The following DPP6 variants were observed in gnomAD, a reference collection of about 807,000 sequenced individuals.
The protein encoded by DPP6 is dipeptidyl peptidase like 6.
DPP6 carries 69 observed loss-of-function variants against 122.6 expected under a neutral mutation model. The observed-to-expected ratio is 0.56, with a 90% CI of 0.46 to 0.69. DPP6 has a LOEUF of 0.69. DPP6 is among the 30% of genes least tolerant of loss of function. DPP6 has a pLI of 0.00. For synonymous variants in DPP6, 418 were observed against 433.1 expected, an observed-to-expected ratio of 0.97 and a Z score of 0.43; for missense variants, 928 against 1,116.9, an observed-to-expected ratio of 0.83 and a Z score of 2.41.
At chr7:154,559,109 T>C (rs1830238011) in intron 4 of DPP6, among the ~76,000 whole-genome samples, 1 of 151,228 alleles carries the variant, frequency 6.6e-6, no homozygotes, top group Admixed American at 6.6e-5. Flanking sequence ...GAAAAACACA[T>C]GAAAACTGCT....
At chr7:154,604,954 C>T (rs1408058864) in intron 5 of DPP6, among the ~76,000 whole-genome samples, 4 of 119,480 alleles carry the variant, frequency 3.3e-5, no homozygotes, top group African/African-American at 1.1e-4. Context: ...TTTAGTCTTC[C>T]TCTTAATTTA....
the DPP6 span, among the ~76,000 whole-genome samples, chr7:153,771,674 A>G: frequency 1.3e-5 from 2 of 152,160 alleles, no homozygotes; most frequent in African/African-American, 4.8e-5. Flanking sequence ...GCTGGAAAGA[A>G]AAGAGTCAAC....
At chr7:154,037,350 A>G (rs535307159) in intron 1 of DPP6, among the ~76,000 whole-genome samples, 2 of 152,080 alleles carry the variant, frequency 1.3e-5, no homozygotes, top group African/African-American at 4.8e-5. Flanking sequence ...GACATTTCCC[A>G]GGACCTCATG....
chr7:154,129,327 C>T (rs532659214), intron 1 of DPP6, among the ~76,000 whole-genome samples: 1 of 152,180 alleles, frequency 6.6e-6, no homozygotes, highest in South Asian at 2.1e-4. Flanking sequence ...TTTCTAGTAC[C>T]ATTTTGCTTA....
the DPP6 span, among the ~76,000 whole-genome samples, chr7:153,774,027 A>G: frequency 6.6e-6 from 1 of 152,190 alleles, no homozygotes; most frequent in Non-Finnish European, 1.5e-5. Flanking sequence ...GAACAATTCT[A>G]TGCCCATAAG....
intron 23 of DPP6, 32 bp downstream of exon 23, chr7:154,887,766 A>G (rs750930354): frequency 1.2e-5 from 20 of 1,612,294 alleles, no homozygotes; most frequent in Non-Finnish European, 1.7e-5. Flanking sequence ...GAATGTGATG[A>G]GACCAGTCAG....
At chr7:154,458,177 C>T (rs1325150097) in intron 2 of DPP6, among the ~76,000 whole-genome samples, 1 of 152,114 alleles carries the variant, frequency 6.6e-6, no homozygotes, top group Non-Finnish European at 1.5e-5. Flanking sequence ...ATTGTAGCTC[C>T]CATAATTCCC....
At chr7:154,667,103 T>C (rs1838216221) in intron 6 of DPP6, among the ~76,000 whole-genome samples, 2 of 152,354 alleles carry the variant, frequency 1.3e-5, no homozygotes, top group South Asian at 2.1e-4. Context: ...ACCTTTCATA[T>C]GTTTGATTGA....
At chr7:153,927,672 A>G (rs1233954711) in intron 1 of DPP6, among the ~76,000 whole-genome samples, 1 of 152,214 alleles carries the variant, frequency 6.6e-6, no homozygotes, top group Non-Finnish European at 1.5e-5. Flanking sequence ...GTTAGAAAAT[A>G]TGGAGAAGAT....
At chr7:154,623,632 CGT>C (rs1834861746) in intron 5 of DPP6, among the ~76,000 whole-genome samples, 2 of 147,808 alleles carry the variant, frequency 1.4e-5, no homozygotes, top group African/African-American at 2.5e-5. Context: ...CGCACACATG[CGT>C]GCACACACGC....
intron 1 of DPP6, chr7:154,058,769 A>C (rs1178668590): frequency 1.4e-5 from 2 of 147,408 alleles, no homozygotes; most frequent in African/African-American, 2.5e-5. Flanking sequence ...CCCGGCTCTG[A>C]GGAACCCCAT....
At chr7:154,808,399 A>G (rs1798832838) in intron 16 of DPP6, among the ~76,000 whole-genome samples, 1 of 152,172 alleles carries the variant, frequency 6.6e-6, no homozygotes, top group South Asian at 2.1e-4. Context: ...GGGGGGTGCG[A>G]CTGAAATATA....
chr7:154,801,812 G>A (rs551917002), intron 13 of DPP6, among the ~76,000 whole-genome samples: 23 of 152,088 alleles, frequency 1.5e-4, no homozygotes, highest in Admixed American at 3.3e-4. Flanking sequence ...CATACTCCCC[G>A]CTGAGGCATG....
At chr7:154,872,732 C>T (rs749758645) in intron 19 of DPP6, 39 bp downstream of exon 19, 11 of 1,569,544 alleles carry the variant, frequency 7.0e-6, no homozygotes, top group African/African-American at 1.4e-5. Flanking sequence ...GGTGCTCGTT[C>T]TGGGGCTCCG....
intron 1 of DPP6, among the ~76,000 whole-genome samples, chr7:154,014,967 A>T (rs1233447990): frequency 1.3e-5 from 2 of 152,154 alleles, no homozygotes; most frequent in Non-Finnish European, 2.9e-5. Flanking sequence ...AATACCCTTT[A>T]GAATGATCCA....
chr7:154,892,822 A>G lies in DPP6; in HGVS notation c.*342A>G, dbSNP rs1382110850. On this transcript the variant is annotated 3_prime_UTR_variant, in exon 26 of 26. Transcript: ENST00000377770. ...GAGCCCACAGGACACCGGCCCCTAG[A>G]TTCCAGCCACCAAGCGGAAGCATGA... is the stretch of plus-strand genomic sequence containing the variant. The G allele has an allele frequency of 1.8e-6, 1 of 559,902 alleles. No homozygotes were observed. Among genetic ancestry groups the G allele is most frequent in the East Asian group, 4.6e-5 (1 of 21,682 alleles). 34.7% of individuals were successfully genotyped at this position (559,902 alleles called of 1,614,324 possible). A position where few individuals can be genotyped will look rare whatever the true frequency, so the allele number is the denominator to read the frequency against.
intron 1 of DPP6, among the ~76,000 whole-genome samples, chr7:154,159,950 A>T (rs1796894748): frequency 6.6e-6 from 1 of 151,946 alleles, no homozygotes; most frequent in Non-Finnish European, 1.5e-5. Flanking sequence ...CTCTACCAAA[A>T]ATCAGAAAGT....
the DPP6 span, among the ~76,000 whole-genome samples, chr7:153,756,168 G>C: frequency 6.6e-6 from 1 of 151,694 alleles, no homozygotes; most frequent in Non-Finnish European, 1.5e-5. Flanking sequence ...ACACCTCCCT[G>C]TTCCTGAGCC....
intron 16 of DPP6, among the ~76,000 whole-genome samples, chr7:154,832,809 G>A (rs1327591784): frequency 1.3e-5 from 2 of 152,206 alleles, no homozygotes; most frequent in African/African-American, 4.8e-5. Flanking sequence ...TCGCAGGACC[G>A]TGATGGGTTC....
Sources: allele counts gnomAD v4.1 joint callset (sites outside exome capture counted in the v4.1 genomes callset), GRCh38; gene constraint gnomAD v4.1.1; transcripts MANE v1.5; gene names NCBI Gene and HGNC (gene_info 2026-07-23, HGNC 2026-07-21).